The following ZCWPW2 variants were observed in gnomAD, a reference collection of about 807,000 sequenced individuals.
ZCWPW2 encodes zinc finger CW-type PWWP domain protein 2.
ZCWPW2 carries 45 observed loss-of-function variants against 46.6 expected under a neutral mutation model. That is an observed-to-expected ratio of 0.96 (90% CI 0.76 to 1.24). ZCWPW2 has a LOEUF of 1.24. Among genes scored for constraint, ZCWPW2 ranks in the 50% most tolerant of loss-of-function variants. ZCWPW2 has a pLI of 0.00. For synonymous variants in ZCWPW2, 152 were observed against 137.1 expected (o/e 1.11, Z -0.76); for missense variants, 429 against 403.9 (o/e 1.06, Z -0.53).
At chr3:28,355,332 G>C (rs1452331201) in intron 1 of ZCWPW2, among the ~76,000 whole-genome samples, 1 of 152,176 alleles carries the variant, frequency 6.6e-6, no homozygotes, top group Admixed American at 6.5e-5. Context: ...ACAAACCACT[G>C]CTCAACAAAA....
chr3:28,499,442 T>A (rs954107144), intron 6 of ZCWPW2, among the ~76,000 whole-genome samples: 8 of 152,178 alleles, frequency 5.3e-5, no homozygotes, highest in Non-Finnish European at 1.0e-4. Flanking sequence ...CACATAAATG[T>A]CTTCTTTTGA....
At chr3:28,393,631 C>T (rs1450477730) in intron 2 of ZCWPW2, among the ~76,000 whole-genome samples, 3 of 151,894 alleles carry the variant, frequency 2.0e-5, no homozygotes, top group African/African-American at 7.3e-5. Context: ...AAAGATGGTT[C>T]AACATATGCA....
intron 1 of ZCWPW2, among the ~76,000 whole-genome samples, chr3:28,357,050 A>G (rs946850618): frequency 2.0e-5 from 3 of 151,700 alleles, no homozygotes; most frequent in African/African-American, 4.8e-5. Context: ...TTTTTTGCCA[A>G]TAGTTTCTAT....
chr3:28,455,215 T>C (rs1434589695), intron 4 of ZCWPW2, among the ~76,000 whole-genome samples: 1 of 152,202 alleles, frequency 6.6e-6, no homozygotes, highest in African/African-American at 2.4e-5. Flanking sequence ...TGGTTTTGAT[T>C]TGTATTTTTC....
intron 2 of ZCWPW2, among the ~76,000 whole-genome samples, chr3:28,394,478 C>T (rs192150151): frequency 1.0e-3 from 155 of 152,032 alleles, no homozygotes; most frequent in Non-Finnish European, 3.8e-4. Context: ...CAATCTTGAT[C>T]AAGAAGAACA....
At chr3:28,360,516 TTGTC>T (rs1183751490) in intron 1 of ZCWPW2, among the ~76,000 whole-genome samples, 14 of 149,158 alleles carry the variant, frequency 9.4e-5, no homozygotes, top group African/African-American at 3.2e-4. Flanking sequence ...GAGCAAGACT[TTGTC>T]TGAAAAAAAA....
At chr3:28,517,017 TA>T (rs1262647332) in intron 8 of ZCWPW2, among the ~76,000 whole-genome samples, 4 of 152,146 alleles carry the variant, frequency 2.6e-5, no homozygotes, top group Non-Finnish European at 4.4e-5. Context: ...TAGTTATTTT[TA>T]AAAAATAACT....
At chr3:28,454,561 G>A (rs1408836633) in intron 4 of ZCWPW2, among the ~76,000 whole-genome samples, 1 of 152,112 alleles carries the variant, frequency 6.6e-6, no homozygotes, top group Non-Finnish European at 1.5e-5. Context: ...ATGGTGGTTT[G>A]CAGCACAGGT....
chr3:28,382,920 A>C (rs1356141459), intron 1 of ZCWPW2, among the ~76,000 whole-genome samples: 1 of 152,180 alleles, frequency 6.6e-6, no homozygotes, highest in African/African-American at 2.4e-5. Context: ...GTTTTGCCTC[A>C]TAATAATAAA....
At chr3:28,510,115 A>G (rs1404986707) in intron 6 of ZCWPW2, among the ~76,000 whole-genome samples, 3 of 152,208 alleles carry the variant, frequency 2.0e-5, no homozygotes, top group East Asian at 1.9e-4. Context: ...TCAGTTGACC[A>G]TATACATGAG....
intron 2 of ZCWPW2, among the ~76,000 whole-genome samples, chr3:28,411,012 A>AAG (rs1696376879): frequency 5.9e-5 from 9 of 152,048 alleles, no homozygotes; most frequent in Admixed American, 4.6e-4. Flanking sequence ...ATGGGGGAAC[A>AAG]TTTTTTACTT....
intron 5 of ZCWPW2, among the ~76,000 whole-genome samples, chr3:28,487,224 A>G (rs1160624989): frequency 6.6e-6 from 1 of 151,938 alleles, no homozygotes; most frequent in African/African-American, 2.4e-5. Context: ...TCATTCTGGT[A>G]TGCCTATTAC....
chr3:28,466,892 A>G (rs971623385), intron 4 of ZCWPW2, among the ~76,000 whole-genome samples: 2 of 152,186 alleles, frequency 1.3e-5, no homozygotes, highest in Non-Finnish European at 2.9e-5. Context: ...GGAAGATGTC[A>G]GTTCTCCTTA....
intron 2 of ZCWPW2, among the ~76,000 whole-genome samples, chr3:28,401,727 C>T (rs1695945339): frequency 6.6e-6 from 1 of 152,064 alleles, no homozygotes. Context: ...TTATATCAGG[C>T]ACTCTTTCAG....
intron 3 of ZCWPW2, among the ~76,000 whole-genome samples, chr3:28,422,017 C>A (rs771635785): frequency 4.7e-4 from 72 of 152,090 alleles, no homozygotes; most frequent in Admixed American, 2.1e-3. Flanking sequence ...TAACACTTTA[C>A]ATTTTTATTT....
At chr3:28,434,604 CCA>C (rs1697407559) in intron 3 of ZCWPW2, among the ~76,000 whole-genome samples, 1 of 152,098 alleles carries the variant, frequency 6.6e-6, no homozygotes. Context: ...TCTGCTTTTC[CCA>C]CAGTAGTTTG....
At chr3:28,383,604 GGTGT>G (rs1695173655) in intron 1 of ZCWPW2, among the ~76,000 whole-genome samples, 2 of 151,864 alleles carry the variant, frequency 1.3e-5, no homozygotes, top group Non-Finnish European at 2.9e-5. Flanking sequence ...GAAGATAAGA[GGTGT>G]GTGTTAAAGC....
intron 5 of ZCWPW2, among the ~76,000 whole-genome samples, chr3:28,491,139 A>G (rs1308830472): frequency 6.6e-6 from 1 of 152,116 alleles, no homozygotes; most frequent in Admixed American, 6.6e-5. Context: ...GTGGAGTTTT[A>G]TCCTAATCAG....
intron 2 of ZCWPW2, among the ~76,000 whole-genome samples, chr3:28,406,254 G>C (rs764973586): frequency 2.0e-5 from 3 of 152,168 alleles, no homozygotes; most frequent in Non-Finnish European, 4.4e-5. Flanking sequence ...AGCATGTTCA[G>C]GAGAGAACAT....
Sources: allele counts gnomAD v4.1 joint callset (sites outside exome capture counted in the v4.1 genomes callset), GRCh38; gene constraint gnomAD v4.1.1; transcripts MANE v1.5; gene names NCBI Gene and HGNC (gene_info 2026-07-23, HGNC 2026-07-21).